Variants in UBE2E2 observed in about 807,000 individuals in gnomAD.
UBE2E2 encodes the protein ubiquitin-conjugating enzyme E2 E2.
UBE2E2 carries 6 observed loss-of-function variants against 24.7 expected under a neutral mutation model. The observed-to-expected ratio is 0.24, with a 90% confidence interval of 0.13 to 0.48. The LOEUF is 0.48. Among genes scored for constraint, UBE2E2 ranks in the 20% least tolerant of loss-of-function variants. The pLI, the probability that UBE2E2 is intolerant of heterozygous loss-of-function variation, is 0.99. For synonymous variants in UBE2E2, 104 were observed against 83.6 expected (o/e 1.24, Z -1.33); for missense variants, 169 against 245.0 (o/e 0.69, Z 2.07).
intron 3 of UBE2E2, among the ~76,000 whole-genome samples, chr3:23,493,216 G>A (rs1699536623): frequency 6.6e-6 from 1 of 152,154 alleles, no homozygotes; most frequent in Non-Finnish European, 1.5e-5. Context: ...AGAATCACAG[G>A]TGTGGCACAG....
intron 3 of UBE2E2, among the ~76,000 whole-genome samples, chr3:23,375,972 T>C (rs908641318): frequency 1.3e-5 from 2 of 152,238 alleles, no homozygotes; most frequent in Admixed American, 6.5e-5. Context: ...TTTGTAAAAC[T>C]GCTCAGTAAT....
chr3:23,393,435 C>T (rs558124884), intron 3 of UBE2E2, among the ~76,000 whole-genome samples: 3 of 152,184 alleles, frequency 2.0e-5, no homozygotes, highest in Non-Finnish European at 4.4e-5. Context: ...CCAGCAGCAT[C>T]AGTATCACCT....
At chr3:23,396,667 CTG>C (rs1319447945) in intron 3 of UBE2E2, among the ~76,000 whole-genome samples, 2 of 152,056 alleles carry the variant, frequency 1.3e-5, no homozygotes, top group Non-Finnish European at 2.9e-5. Context: ...CTTAACCTTT[CTG>C]TCTCTCTGTT....
intron 4 of UBE2E2, among the ~76,000 whole-genome samples, chr3:23,518,148 A>G (rs1214766154): frequency 3.3e-5 from 5 of 152,198 alleles, no homozygotes; most frequent in African/African-American, 1.2e-4. Flanking sequence ...AGATAAACCC[A>G]AAAGAACAGG....
At chr3:23,454,659 G>A (rs191374526) in intron 3 of UBE2E2, among the ~76,000 whole-genome samples, 5 of 152,300 alleles carry the variant, frequency 3.3e-5, no homozygotes, top group African/African-American at 1.2e-4. Context: ...TGATGTCTGG[G>A]TATGCCTATA....
intron 3 of UBE2E2, among the ~76,000 whole-genome samples, chr3:23,459,950 G>T (rs1003044838): frequency 2.0e-5 from 3 of 152,166 alleles, no homozygotes; most frequent in African/African-American, 7.2e-5. Context: ...TTAACTAAAA[G>T]TATTTTTCCC....
chr3:23,523,032 T>TTG (rs1694904662), intron 4 of UBE2E2, among the ~76,000 whole-genome samples: 1 of 151,784 alleles, frequency 6.6e-6, no homozygotes, highest in Non-Finnish European at 1.5e-5. Context: ...GACAAAATAA[T>TTG]TGTGTAAAGA....
At chr3:23,413,254 C>T (rs1347114966) in intron 3 of UBE2E2, among the ~76,000 whole-genome samples, 6 of 151,968 alleles carry the variant, frequency 3.9e-5, no homozygotes, top group South Asian at 4.1e-4. Flanking sequence ...TTTAGCACAT[C>T]GTATGGTTAA....
At chr3:23,580,110 ATTGT>A (rs1196423731) in intron 5 of UBE2E2, among the ~76,000 whole-genome samples, 3 of 152,254 alleles carry the variant, frequency 2.0e-5, no homozygotes, top group Non-Finnish European at 4.4e-5. Flanking sequence ...ACTGGTGAAG[ATTGT>A]TTGAACACTG....
At chr3:23,293,216 A>G (rs1575537919) in intron 3 of UBE2E2, among the ~76,000 whole-genome samples, 1 of 152,242 alleles carries the variant, frequency 6.6e-6, no homozygotes, top group African/African-American at 2.4e-5. Flanking sequence ...ACAGCAACAG[A>G]TTAAGTAAAA....
intron 3 of UBE2E2, among the ~76,000 whole-genome samples, chr3:23,242,884 G>C (rs145783496): frequency 6.6e-6 from 1 of 151,984 alleles, no homozygotes; most frequent in African/African-American, 2.4e-5. Context: ...TCAGGAGTTC[G>C]AGACCTGCCT....
At chr3:23,220,817 G>A (rs1696613695) in intron 3 of UBE2E2, among the ~76,000 whole-genome samples, 1 of 152,148 alleles carries the variant, frequency 6.6e-6, no homozygotes, top group Admixed American at 6.5e-5. Flanking sequence ...AATGACTACA[G>A]GTTGTAACTT....
At chr3:23,417,544 T>C (rs1377848593) in intron 3 of UBE2E2, among the ~76,000 whole-genome samples, 1 of 152,206 alleles carries the variant, frequency 6.6e-6, no homozygotes, top group African/African-American at 2.4e-5. Flanking sequence ...AGGGACCCAC[T>C]TGAGGAGGCG....
intron 3 of UBE2E2, among the ~76,000 whole-genome samples, chr3:23,336,178 T>C (rs1024513391): frequency 1.3e-5 from 2 of 152,178 alleles, no homozygotes; most frequent in African/African-American, 2.4e-5. Context: ...TTTCCTAATA[T>C]GTTGGTTCAG....
chr3:23,375,059 G>C (rs114907658), intron 3 of UBE2E2, among the ~76,000 whole-genome samples: 1 of 151,722 alleles, frequency 6.6e-6, no homozygotes, highest in African/African-American at 2.4e-5. Context: ...GCTTTTATTC[G>C]TATTTACATA....
intron 3 of UBE2E2, among the ~76,000 whole-genome samples, chr3:23,350,444 C>T (rs1474679731): frequency 6.6e-6 from 1 of 152,124 alleles, no homozygotes; most frequent in African/African-American, 2.4e-5. Context: ...CTCCGAGCTA[C>T]AGGAGGAAAT....
At chr3:23,263,985 G>A (rs914190070) in intron 3 of UBE2E2, among the ~76,000 whole-genome samples, 1 of 152,164 alleles carries the variant, frequency 6.6e-6, no homozygotes, top group Non-Finnish European at 1.5e-5. Flanking sequence ...TATCCGTGGT[G>A]ACTAATAATA....
chr3:23,498,060 T>G (rs1277743017), intron 3 of UBE2E2, among the ~76,000 whole-genome samples: 1 of 152,240 alleles, frequency 6.6e-6, no homozygotes, highest in Non-Finnish European at 1.5e-5. Context: ...ATTTTTCATA[T>G]GATTATTGGC....
At chr3:23,352,827 C>G in intron 3 of UBE2E2, among the ~76,000 whole-genome samples, 1 of 152,202 alleles carries the variant, frequency 6.6e-6, no homozygotes, top group Non-Finnish European at 1.5e-5. Flanking sequence ...TGGTACGATT[C>G]TTTCTGAAAC....
Sources: allele counts gnomAD v4.1 joint callset (sites outside exome capture counted in the v4.1 genomes callset), GRCh38; gene constraint gnomAD v4.1.1; transcripts MANE v1.5; gene names NCBI Gene and HGNC (gene_info 2026-07-23, HGNC 2026-07-21).